Variants in PPP2R5E observed in about 807,000 individuals in gnomAD.
The protein encoded by PPP2R5E is serine/threonine-protein phosphatase 2A 56 kDa regulatory subunit epsilon isoform.
PPP2R5E carries 4 observed loss-of-function variants against 65.3 expected under a neutral mutation model. That is an observed-to-expected ratio of 0.06 (90% CI 0.03 to 0.14). The LOEUF (loss-of-function observed/expected upper bound fraction) is 0.14, where lower values mean the gene tolerates loss of function less well. PPP2R5E is among the 10% of genes least tolerant of loss of function. PPP2R5E has a pLI of 1.00. For synonymous variants in PPP2R5E, 183 were observed against 187.4 expected (o/e 0.98, Z 0.19); for missense variants, 274 against 556.1 (o/e 0.49, Z 5.10).
At chr14:63,458,609 T>C (rs979126795) in intron 2 of PPP2R5E, among the ~76,000 whole-genome samples, 1 of 152,052 alleles carries the variant, frequency 6.6e-6, no homozygotes, top group Non-Finnish European at 1.5e-5. Flanking sequence ...ATAAGGTAAA[T>C]TGCTTTTAAA....
Position 63,394,070 on chromosome 14 carries a change from C to CTTTTT in PPP2R5E, c.741-147_741-143dup, listed in dbSNP as rs557273298. 6.6e-5 allele frequency: 12 copies of CTTTTT among 181,324 alleles called. 1 individual carries two copies. The highest frequency in any genetic ancestry group is 1.7e-4 in the South Asian group (2 of 11,812). 11.2% of individuals were successfully genotyped at this position (181,324 alleles called of 1,614,324 possible). On this transcript the variant is annotated intron_variant, in intron 7 of 13. Coordinates refer to ENST00000337537, the MANE Select transcript of PPP2R5E (RefSeq NM_006246.5). ...CCACCCCAGTGGCATTCAGAATTTC[C>CTTTTT]TTTTTTTTTTTTTTTTTTTTTTTTT...
chr14:63,440,950 A>T (rs1250269463), intron 3 of PPP2R5E, among the ~76,000 whole-genome samples: 1 of 135,314 alleles, frequency 7.4e-6, no homozygotes, highest in Non-Finnish European at 1.5e-5. Flanking sequence ...CTCCATCTCA[A>T]AAAAAAAAAA....
rs1004982657 is a variant in PPP2R5E, at chr14:63,415,816, T to C, written c.457-584A>G. On this transcript the variant is annotated intron_variant, in intron 4 of 13. Transcript: ENST00000337537. The stretch of plus-strand genomic sequence containing the variant: ...AGACATTTAAGTAGTTTCTGAATTA[T>C]TTCTCCATCATTCTGCGACAACGTG... 2.0e-5 allele frequency among the ~76,000 whole-genome samples: 3 copies of C among 152,202 alleles called. No individual in the cohort carries two copies. In the East Asian group the frequency reaches 5.8e-4, roughly 29 times the overall value.
intron 3 of PPP2R5E, among the ~76,000 whole-genome samples, chr14:63,428,939 A>G (rs1455460724): frequency 6.6e-6 from 1 of 152,210 alleles, no homozygotes; most frequent in Non-Finnish European, 1.5e-5. Flanking sequence ...AAAATATTAT[A>G]ATAGAACAGA....
At chr14:63,500,136 G>A (rs1891791354) in intron 2 of PPP2R5E, among the ~76,000 whole-genome samples, 1 of 152,148 alleles carries the variant, frequency 6.6e-6, no homozygotes, top group Admixed American at 6.5e-5. Flanking sequence ...TGGGCACTAT[G>A]AATTTTTCTT....
In PPP2R5E at chr14:63,431,793, C is replaced by G. The variant is rs17225189; in HGVS notation, c.355-9699G>C. On this transcript the variant is annotated intron_variant, in intron 3 of 13. Transcript: ENST00000337537. ...AGGATTTAAAAGGAGATTTCTAAAG[C>G]GAGTAATTACTTTAGAAATAATTAG... Among the ~76,000 whole-genome samples the G allele has an allele frequency of 2.0e-5, 3 of 151,842 alleles. No individual in the cohort carries two copies. In the East Asian group the frequency reaches 5.8e-4, roughly 29 times the overall value.
intron 2 of PPP2R5E, among the ~76,000 whole-genome samples, chr14:63,455,119 C>G (rs1390955706): frequency 6.6e-6 from 1 of 152,182 alleles, no homozygotes; most frequent in Non-Finnish European, 1.5e-5. Context: ...CTTGGGCTGC[C>G]TGCTCCCTGG....
chr14:63,527,308 A>G (rs529272680), intron 2 of PPP2R5E, among the ~76,000 whole-genome samples: 2 of 152,366 alleles, frequency 1.3e-5, no homozygotes, highest in African/African-American at 2.4e-5. Flanking sequence ...GACATTAACT[A>G]AACAGTAATG....
At chr14:63,523,945 C>T (rs528284566) in intron 2 of PPP2R5E, among the ~76,000 whole-genome samples, 1 of 152,240 alleles carries the variant, frequency 6.6e-6, no homozygotes, top group Admixed American at 6.5e-5. Flanking sequence ...CCTTAGGAGC[C>T]TGAACCTACT....
At chr14:63,445,490 C>T (rs1420110345) in intron 3 of PPP2R5E, among the ~76,000 whole-genome samples, 1 of 152,166 alleles carries the variant, frequency 6.6e-6, no homozygotes, top group Non-Finnish European at 1.5e-5. Flanking sequence ...TTGATGGCTG[C>T]TAACTCATCA....
At chr14:63,536,574 T>C (rs947378986) in intron 2 of PPP2R5E, among the ~76,000 whole-genome samples, 1 of 152,200 alleles carries the variant, frequency 6.6e-6, no homozygotes, top group South Asian at 2.1e-4. Flanking sequence ...CTGTACATCA[T>C]GGTCACAGCA....
intron 4 of PPP2R5E, 43 bp downstream of exon 4, chr14:63,421,950 G>A (rs1256447583): frequency 6.8e-7 from 1 of 1,462,002 alleles, no homozygotes; most frequent in African/African-American, 1.4e-5. Context: ...CAGCTAATGA[G>A]TTAATGGAGT....
intron 2 of PPP2R5E, among the ~76,000 whole-genome samples, chr14:63,469,320 G>GA (rs140452173): frequency 0.029 from 4,445 of 152,270 alleles, 193 homozygotes; most frequent in African/African-American, 0.097. Context: ...TGTAAAGAAT[G>GA]AAAACAAATG....
rs374427574 is a variant in PPP2R5E at position 63,486,293 on chromosome 14, TACACAC to T, written c.158-32414_158-32409del. ...ACCCCACCCATCTTTCTTTCCCCAT[TACACAC>T]ACACACACACACACACACACACACA... On this transcript the variant is annotated intron_variant, in intron 2 of 13. Coordinates refer to ENST00000337537, the MANE Select transcript of PPP2R5E (RefSeq NM_006246.5). 3.7e-4 allele frequency among the ~76,000 whole-genome samples: 48 copies of T among 128,046 alleles called. No homozygotes were observed. In the East Asian group the frequency reaches 4.1e-3, roughly 11 times the overall value. 84.0% of individuals were successfully genotyped at this position (128,046 alleles called of 152,430 possible). A position where few individuals can be genotyped will look rare whatever the true frequency, so the allele number is the denominator to read the frequency against.
chr14:63,490,996 G>A (rs1427982782), intron 2 of PPP2R5E, among the ~76,000 whole-genome samples: 20 of 151,420 alleles, frequency 1.3e-4, no homozygotes, highest in Non-Finnish European at 7.4e-5. Context: ...TTCAACAGTG[G>A]ACTGGATAAA....
At chr14:63,511,663 A>G (rs1892456891) in intron 2 of PPP2R5E, among the ~76,000 whole-genome samples, 1 of 152,264 alleles carries the variant, frequency 6.6e-6, no homozygotes, top group African/African-American at 2.4e-5. Flanking sequence ...AAACTGACAT[A>G]GAATGGGTAT....
Position 63,376,103 on chromosome 14 carries a change from T to C in PPP2R5E, c.1310A>G (p.Lys437Arg), listed in dbSNP as rs1326388002. ...TTCTTCACGCTCCTTTTCTTTCTTT[T>C]TCTCACTGAGGAAGAAACAGAATAC... ...ATYKSDRQRE[K>R]KKEKEREELW... Residue 437 changes from lysine (K) to arginine (R), a missense_variant, in exon 14 of 14, where the codon AAA becomes AGA. Lys to Arg is a conservative substitution (Grantham distance 26). Around this residue, in one of 6 missense-constraint regions of PPP2R5E, gnomAD observed 129 missense variants for 254.9 expected, o/e 0.51. Transcript: ENST00000337537. 1 of 1,594,428 alleles carries C rather than the reference T, an allele frequency of 6.3e-7. No homozygotes were observed. The highest frequency in any genetic ancestry group is 8.6e-7 in the Non-Finnish European group (1 of 1,162,372).
chr14:63,526,766 AG>A (rs1468942868), intron 2 of PPP2R5E, among the ~76,000 whole-genome samples: 1 of 152,176 alleles, frequency 6.6e-6, no homozygotes, highest in Non-Finnish European at 1.5e-5. Context: ...CATGCTTCCC[AG>A]GCTGGTCTTG....
intron 2 of PPP2R5E, among the ~76,000 whole-genome samples, chr14:63,522,218 T>C (rs1892945631): frequency 6.6e-6 from 1 of 152,300 alleles, no homozygotes; most frequent in South Asian, 2.1e-4. Context: ...GGTGCCGGGA[T>C]TGCAGACGGA....
Sources: gnomAD v4.1 joint callset for allele counts (sites outside exome capture counted in the v4.1 genomes callset) on GRCh38, gnomAD v4.1.1 for gene constraint, gnomAD v4.1.1 regional missense constraint, MANE v1.5 for transcripts, NCBI Gene and HGNC (gene_info 2026-07-23, HGNC 2026-07-21) for gene names.